ITGAX: variants seen among roughly 807,000 people sequenced by gnomAD.
ITGAX encodes the protein integrin subunit alpha X.
A neutral mutation model predicts 140.2 loss-of-function variants in ITGAX; 99 were observed. The observed-to-expected ratio is 0.71, with a 90% CI of 0.60 to 0.83. The LOEUF (loss-of-function observed/expected upper bound fraction) is 0.83. Ranked by LOEUF, ITGAX falls within the 40% of genes least tolerant of loss-of-function variation. The pLI is 0.00. For missense variants in ITGAX, 1,444 were observed against 1,482.0 expected, an observed-to-expected ratio of 0.97 and a Z score of 0.42; for synonymous variants, 631 against 600.4, an observed-to-expected ratio of 1.05 and a Z score of -0.75.
At chr16:31,369,457 G>C (rs2080933122) in intron 14 of ITGAX, among the ~76,000 whole-genome samples, 1 of 152,228 alleles carries the variant, frequency 6.6e-6, no homozygotes, top group Non-Finnish European at 1.5e-5. Flanking sequence ...GCATGCTCCA[G>C]AGAAATTTCA....
chr16:31,371,345 T>C lies in ITGAX; in HGVS notation c.1853T>C (p.Val618Ala), dbSNP rs752647695. 2 of 1,614,158 alleles carry C rather than the reference T, an allele frequency of 1.2e-6. No homozygotes were observed. Among genetic ancestry groups the C allele is most frequent in the South Asian group, 2.2e-5 (2 of 91,074 alleles). The change falls in exon 16 of 30, where the codon GTG becomes GCG. Residue 618 changes from valine (V) to alanine (A), a missense_variant. Physicochemically the swap from Val to Ala is moderately conservative, Grantham distance 64. Transcript: ENST00000268296. ...TGCTCTGCCCGCAGGACCAGACCTG[T>C]GCTCTGGGTGGGGGTGAGCATGCAG... ...GQVLLLRTRPVLWVGVSMQFI... is the reference protein window; with the variant it reads ...GQVLLLRTRPALWVGVSMQFI...
At position 31,382,783 on chromosome 16, in the gene ITGAX, C is replaced by A; in HGVS notation, c.*876C>A. 2.2e-6 allele frequency: 1 copy of A among 461,268 alleles called. No homozygotes were observed. The highest frequency in any genetic ancestry group is 3.9e-6 in the Non-Finnish European group (1 of 256,542). 28.6% of individuals were successfully genotyped at this position (461,268 alleles called of 1,614,324 possible). A position where few individuals can be genotyped will look rare whatever the true frequency, so the allele number is the denominator to read the frequency against. ...AGGGAGGGACATGGCCCCGGTGCGG[C>A]TGCAGCTCACCCAGCCCCAGGGGCA... On this transcript the variant is annotated 3_prime_UTR_variant, in exon 30 of 30. Coordinates refer to ENST00000268296, the MANE Select transcript of ITGAX (RefSeq NM_000887.5).
chr16:31,372,286 C>T, intron 17 of ITGAX, 92 bp from the exon 18 acceptor site: 3 of 1,472,554 alleles, frequency 2.0e-6, no homozygotes, highest in Non-Finnish European at 2.7e-6. Context: ...CGCGCGGGAG[C>T]TGGGCAGAGG....
chr16:31,372,096 G>C (rs1350239396), intron 17 of ITGAX, among the ~76,000 whole-genome samples: 12 of 152,096 alleles, frequency 7.9e-5, no homozygotes, highest in Admixed American at 7.9e-4. Flanking sequence ...AGCTGCTCCT[G>C]GGAGACAGGC....
chr16:31,380,599 G>C lies in ITGAX; in HGVS notation c.3251G>C (p.Gly1084Ala). ...FDTSVYSQLPGQEAFMRAQTT... is the reference protein window; with the variant it reads ...FDTSVYSQLPAQEAFMRAQTT... ...ACATCCGTGTACTCCCAGCTTCCAG[G>C]ACAGGAGGCATTTATGAGAGCTCAG... The change falls in exon 28 of 30, where the codon GGA (glycine) becomes GCA (alanine). Residue 1084 changes from glycine (G) to alanine (A), a missense_variant. Gly to Ala is a moderately conservative substitution (Grantham distance 60, BLOSUM62 0). Coordinates refer to ENST00000268296, the MANE Select transcript of ITGAX (RefSeq NM_000887.5). 1 of 1,614,248 alleles carries C rather than the reference G, an allele frequency of 6.2e-7. No homozygotes were observed. The highest frequency in any genetic ancestry group is 1.6e-4 in the Middle Eastern group (1 of 6,062).
At chr16:31,359,879 G>C in intron 6 of ITGAX, 41 bp from the exon 7 acceptor site, 1 of 1,614,006 alleles carries the variant, frequency 6.2e-7, no homozygotes, top group South Asian at 1.1e-5. Flanking sequence ...CTTCGATCCT[G>C]GTGAAATGGC....
chr16:31,356,847 C>T lies in ITGAX; in HGVS notation c.247+119C>T. 9.3e-6 allele frequency: 8 copies of T among 860,812 alleles called. 1 individual carries two copies. The South Asian group carries it at 1.3e-4, about 14-fold the overall frequency. 53.3% of individuals were successfully genotyped at this position (860,812 alleles called of 1,614,324 possible). On this transcript the variant is annotated intron_variant, in intron 3 of 29. Transcript: ENST00000268296. ...CCACTGTGTCTGAGACCCTCACCCT[C>T]AGATATGCTTCCTGGCCCCTTAAGG...
At position 31,359,743 on chromosome 16, in the gene ITGAX, C is replaced by T. The variant is rs770639010; in HGVS notation, c.474C>T (p.Gly158=). The stretch of plus-strand genomic sequence containing the variant: ...AGGACATTGTGTTCCTGATCGATGG[C>T]TCAGGCAGCATCTCCTCCCGCAACT... The part of the protein sequence containing the change: ...QEQDIVFLID[G]SGSISSRNFA... Residue 158 remains glycine, a synonymous_variant, in exon 6 of 30, where the codon GGC becomes GGT. Coordinates refer to ENST00000268296, the MANE Select transcript of ITGAX (RefSeq NM_000887.5). 1 of 1,614,154 alleles carries T rather than the reference C, an allele frequency of 6.2e-7. No individual in the cohort carries two copies. Among genetic ancestry groups the T allele is most frequent in the Non-Finnish European group, 8.5e-7 (1 of 1,180,032 alleles).
At chr16:31,372,250 G>A in intron 17 of ITGAX, 128 bp from the exon 18 acceptor site, 1 of 1,072,110 alleles carries the variant, frequency 9.3e-7, no homozygotes, top group Non-Finnish European at 1.3e-6. Flanking sequence ...CGGTGACGCT[G>A]AGCAGGCTCT....
intron 20 of ITGAX, among the ~76,000 whole-genome samples, chr16:31,375,562 C>T (rs964781865): frequency 1.1e-4 from 17 of 152,330 alleles, no homozygotes; most frequent in Admixed American, 9.2e-4. Flanking sequence ...TCTTATATGA[C>T]CTCAACACCA....
intron 17 of ITGAX, among the ~76,000 whole-genome samples, chr16:31,372,136 C>T (rs958167376): frequency 6.7e-6 from 1 of 148,172 alleles, no homozygotes; most frequent in Non-Finnish European, 1.5e-5. Context: ...GCATAGGTGG[C>T]CAAAACAGTC....
chr16:31,356,577 G>A, intron 2 of ITGAX, 48 bp from the exon 3 acceptor site: 1 of 1,359,210 alleles, frequency 7.4e-7, no homozygotes, highest in Non-Finnish European at 1.0e-6. Context: ...TGGCAGCTGT[G>A]CTGCAGCGTC....
chr16:31,375,042 G>A (rs1199555640), intron 20 of ITGAX, among the ~76,000 whole-genome samples: 1 of 151,350 alleles, frequency 6.6e-6, no homozygotes, highest in Admixed American at 6.6e-5. Context: ...CCTTGAGAGG[G>A]TCTTGCTCTG....
rs910848414 is a variant in ITGAX, at chr16:31,371,686, C to A, written c.2062C>A (p.Pro688Thr). Residue 688 changes from proline to threonine, a missense_variant, in exon 17 of 30, where the codon CCC (proline) becomes ACC (threonine). Pro to Thr is a conservative substitution (Grantham distance 38, BLOSUM62 -1). Transcript: ENST00000268296. ...GGCCCTCGACCCTGGCCGCCTGAGT[C>A]CCCGTGCCACCTTCCAGGAAACAAA... ...DLALDPGRLS[P>T]RATFQETKNR... is the part of the protein sequence containing the mutation. 2 of 1,614,032 alleles carry A rather than the reference C, an allele frequency of 1.2e-6. No individual in the cohort carries two copies. The highest frequency in any genetic ancestry group is 1.7e-6 in the Non-Finnish European group (2 of 1,180,042).
At chr16:31,364,426 CAAA>C (rs56776715) in intron 14 of ITGAX, among the ~76,000 whole-genome samples, 7 of 42,418 alleles carry the variant, frequency 1.7e-4, no homozygotes, top group African/African-American at 3.6e-4. Context: ...AATCCCGTGT[CAAA>C]AAAAAAAAAA....
At chr16:31,368,608 T>C (rs2080917341) in intron 14 of ITGAX, among the ~76,000 whole-genome samples, 1 of 151,652 alleles carries the variant, frequency 6.6e-6, no homozygotes, top group African/African-American at 2.4e-5. Flanking sequence ...TATTTATTTT[T>C]TTATTTTTTA....
chr16:31,355,224 A>G lies in ITGAX; in HGVS notation c.-31A>G, dbSNP rs769517986. On this transcript the variant is annotated 5_prime_UTR_variant, in exon 1 of 30. Transcript: ENST00000268296. ...CCAGCTCTTCCTGCAACGGCCCAGG[A>G]GCTCAGAGCTCCACATCTGACCTTC... The G allele has an allele frequency of 2.5e-6, 4 of 1,613,306 alleles. No homozygotes were observed. The highest frequency in any genetic ancestry group is 2.7e-5 in the African/African-American group (2 of 74,898).
rs367585612 is a variant in ITGAX, at chr16:31,380,941, C to G, written c.3321C>G (p.Pro1107=). The G allele has an allele frequency of 2.5e-6, 4 of 1,614,034 alleles. No homozygotes were observed. The African/African-American group carries it at 4.0e-5, about 16-fold the overall frequency. Reference sequence around the variant, plus strand: ...AGTACAAGGTCCACAACCCCACCCCCCTCATCGTAGGCAGCTCCATTGGGG... The same window carrying G: ...AGTACAAGGTCCACAACCCCACCCCGCTCATCGTAGGCAGCTCCATTGGGG... ...LEKYKVHNPT[P]LIVGSSIGGL... The change falls in exon 29 of 30, where the codon CCC becomes CCG. Residue 1107 remains proline (P), a synonymous_variant. Transcript: ENST00000268296.
At position 31,359,863 on chromosome 16, in the gene ITGAX, TG is replaced by T. The variant is rs2080803067; in HGVS notation, c.561+36del. ...TTTGGGGGAGGGAGGCTGCTGGGGGTGGGTGCTTCGATCCTGGTGAAATGGC... is the reference window on the plus strand; with the variant it reads ...TTTGGGGGAGGGAGGCTGCTGGGGGTGGTGCTTCGATCCTGGTGAAATGGC... On this transcript the variant is annotated intron_variant, in intron 6 of 29. Coordinates refer to ENST00000268296, the MANE Select transcript of ITGAX (RefSeq NM_000887.5). 4.3e-6 allele frequency: 7 copies of T among 1,613,524 alleles called. No individual in the cohort carries two copies. The South Asian group carries it at 5.5e-5, about 13-fold the overall frequency.
Sources: gnomAD v4.1 joint callset for allele counts (sites outside exome capture counted in the v4.1 genomes callset) on GRCh38, gnomAD v4.1.1 for gene constraint, MANE v1.5 for transcripts, NCBI Gene and HGNC (gene_info 2026-07-23, HGNC 2026-07-21) for gene names.